MTMR2: variants seen among roughly 807,000 people sequenced by gnomAD.
MTMR2 encodes phosphatidylinositol-3,5-bisphosphate 3-phosphatase MTMR2.
Under a neutral mutation model 86.9 loss-of-function variants are expected in MTMR2, and 55 were observed. The observed-to-expected ratio is 0.63, with a 90% CI of 0.51 to 0.79. The LOEUF is 0.79. Ranked by LOEUF, MTMR2 falls within the 30% of genes least tolerant of loss-of-function variation. MTMR2 has a pLI of 0.00. For synonymous variants in MTMR2, 241 were observed against 266.8 expected (o/e 0.90, Z 0.94); for missense variants, 659 against 772.3 (o/e 0.85, Z 1.74).
chr11:95,882,891 T>C (rs1180295749), intron 2 of MTMR2, among the ~76,000 whole-genome samples: 2 of 30,436 alleles, frequency 6.6e-5, no homozygotes, highest in Admixed American at 5.7e-4. Context: ...TCCAGCTAAT[T>C]TTTTTTTTTT....
intron 1 of MTMR2, among the ~76,000 whole-genome samples, chr11:95,912,086 GGT>G (rs1491567779): frequency 2.6e-5 from 1 of 39,016 alleles, no homozygotes; most frequent in African/African-American, 6.9e-5. Flanking sequence ...AACACAGGTG[GGT>G]TTTTTTTTTT....
At chr11:95,858,482 G>T in intron 6 of MTMR2, 49 bp downstream of exon 6, 2 of 1,244,360 alleles carry the variant, frequency 1.6e-6, no homozygotes, top group Non-Finnish European at 1.2e-6. Flanking sequence ...TTCTTTATAC[G>T]ACATCAATAA....
intron 1 of MTMR2, among the ~76,000 whole-genome samples, chr11:95,919,801 G>A (rs902166596): frequency 1.6e-4 from 25 of 152,116 alleles, no homozygotes; most frequent in African/African-American, 5.6e-4. Flanking sequence ...GACCAGTGGT[G>A]AACATTCCGT....
rs1246116098 is a variant in MTMR2, at chr11:95,890,588, C to A, written c.81-2327G>T. On this transcript the variant is annotated intron_variant, in intron 1 of 14. Transcript: ENST00000346299. The stretch of plus-strand genomic sequence containing the variant: ...TCTTTGTCCTTTCCCATTTCTCTTG[C>A]CTAAAATAAGAATATAAAGTTTGAA... Among the ~76,000 whole-genome samples the A allele has an allele frequency of 3.3e-5, 5 of 152,156 alleles. No individual in the cohort carries two copies. The East Asian group carries it at 9.6e-4, about 29-fold the overall frequency.
rs1565368414 is a variant in MTMR2, at chr11:95,877,331, C to CTTTTTTTTTTTTTTTTTTTTTTTTT, written c.186+10824_186+10825insAAAAAAAAAAAAAAAAAAAAAAAAA. 3.2e-5 allele frequency among the ~76,000 whole-genome samples: 3 copies of CTTTTTTTTTTTTTTTTTTTTTTTTT among 94,738 alleles called. 1 individual carries two copies. Among genetic ancestry groups the CTTTTTTTTTTTTTTTTTTTTTTTTT allele is most frequent in the African/African-American group, 9.9e-5 (2 of 20,148 alleles). The allele number at this position is 94,738 out of a possible 152,430, so 62.2% of individuals were successfully genotyped here. A position where few individuals can be genotyped will look rare whatever the true frequency, so the allele number is the denominator to read the frequency against. The stretch of plus-strand genomic sequence containing the variant: ...CATTCAAGATCAAGCACAGGGAAGC[C>CTTTTTTTTTTTTTTTTTTTTTTTTT]CTTTTTTTTTTTTTTTTTTTTTTTT... On this transcript the variant is annotated intron_variant, in intron 2 of 14. Coordinates refer to ENST00000346299, the MANE Select transcript of MTMR2 (RefSeq NM_016156.6).
intron 1 of MTMR2, among the ~76,000 whole-genome samples, chr11:95,894,431 T>C (rs1244065883): frequency 6.6e-6 from 1 of 152,206 alleles, no homozygotes; most frequent in East Asian, 1.9e-4. Context: ...GCTATTATTA[T>C]TTATGACAAC....
At chr11:95,855,992 T>G (rs1160554606) in intron 7 of MTMR2, among the ~76,000 whole-genome samples, 2 of 152,156 alleles carry the variant, frequency 1.3e-5, no homozygotes, top group Non-Finnish European at 2.9e-5. Flanking sequence ...CAGTAAATTT[T>G]ATGGTATGTG....
chr11:95,881,959 C>A (rs73533125), intron 2 of MTMR2, among the ~76,000 whole-genome samples: 8,423 of 151,982 alleles, frequency 0.055, 819 homozygotes, highest in African/African-American at 0.19. Context: ...TGATGGATAC[C>A]CTTTATCGGG....
intron 2 of MTMR2, among the ~76,000 whole-genome samples, chr11:95,868,368 A>G (rs964393371): frequency 6.6e-6 from 1 of 151,784 alleles, no homozygotes; most frequent in African/African-American, 2.4e-5. Context: ...GAGAGACACA[A>G]TGAAACAAGA....
At chr11:95,898,053 CCTTTTTCTTTCA>C (rs1404711127) in intron 1 of MTMR2, among the ~76,000 whole-genome samples, 1 of 152,066 alleles carries the variant, frequency 6.6e-6, no homozygotes, top group East Asian at 1.9e-4. Flanking sequence ...ACAGCAAACT[CCTTTTTCTTTCA>C]AATACTACAT....
chr11:95,844,913 A>G lies in MTMR2; in HGVS notation c.1386+40T>C, dbSNP rs563602754. The G allele has an allele frequency of 1.0e-5, 15 of 1,491,432 alleles. No homozygotes were observed. The African/African-American group carries it at 1.1e-4, about 11-fold the overall frequency. 92.4% of individuals were successfully genotyped at this position (1,491,432 alleles called of 1,614,324 possible). ...CATTTTTTTCACATGCCTTGGCATGAATGCATGTGATATATCCAAAGTCAA... is the reference window on the plus strand; with the variant it reads ...CATTTTTTTCACATGCCTTGGCATGGATGCATGTGATATATCCAAAGTCAA... On this transcript the variant is annotated intron_variant, in intron 11 of 14. Transcript: ENST00000346299.
chr11:95,840,353 T>A (rs1411913424), intron 12 of MTMR2, among the ~76,000 whole-genome samples: 1 of 152,030 alleles, frequency 6.6e-6, no homozygotes, highest in Non-Finnish European at 1.5e-5. Context: ...ATGGTAACAG[T>A]CAAAAGTGGG....
At chr11:95,849,230 T>G (rs778881345) in intron 9 of MTMR2, among the ~76,000 whole-genome samples, 4 of 152,062 alleles carry the variant, frequency 2.6e-5, no homozygotes, top group Non-Finnish European at 5.9e-5. Flanking sequence ...CTGAATAACT[T>G]GTTCAGGTGG....
At chr11:95,842,053 A>G (rs748503846) in intron 11 of MTMR2, among the ~76,000 whole-genome samples, 6 of 152,208 alleles carry the variant, frequency 3.9e-5, no homozygotes, top group Non-Finnish European at 8.8e-5. Flanking sequence ...CGGTCGCATC[A>G]CTGCACTCCA....
intron 11 of MTMR2, among the ~76,000 whole-genome samples, chr11:95,843,057 T>C (rs1021867492): frequency 2.0e-5 from 3 of 152,168 alleles, no homozygotes; most frequent in African/African-American, 7.2e-5. Context: ...AATGTATGCA[T>C]TGTGGTTAGA....
chr11:95,915,200 C>T (rs975854634), intron 1 of MTMR2, among the ~76,000 whole-genome samples: 4 of 152,052 alleles, frequency 2.6e-5, no homozygotes, highest in African/African-American at 9.7e-5. Flanking sequence ...CTTCTTGGCT[C>T]GCTCAAGAAT....
rs1242130865 is a variant in MTMR2, at chr11:95,858,534, G to GTTA, written c.564_566dup (p.Asn189dup). Reference sequence around the variant, plus strand: ...CCAAAGACAGGAAACATTTTACCAGGTTATTAGAGACAGGAAATGCATATT... The same window carrying GTTA: ...CCAAAGACAGGAAACATTTTACCAGGTTATTATTAGAGACAGGAAATGCATATT... On this transcript the variant is annotated inframe_insertion, in exon 6 of 15. Coordinates refer to ENST00000346299, the MANE Select transcript of MTMR2 (RefSeq NM_016156.6). The GTTA allele has an allele frequency of 1.2e-6, 2 of 1,601,532 alleles. No homozygotes were observed. Among genetic ancestry groups the GTTA allele is most frequent in the Admixed American group, 1.7e-5 (1 of 60,010 alleles).
At chr11:95,867,992 C>A (rs116194254) in intron 2 of MTMR2, among the ~76,000 whole-genome samples, 4 of 151,992 alleles carry the variant, frequency 2.6e-5, no homozygotes, top group African/African-American at 7.2e-5. Flanking sequence ...GAAGGCCAGG[C>A]GCAGTGGCTC....
At chr11:95,905,998 G>C (rs1866260971) in intron 1 of MTMR2, among the ~76,000 whole-genome samples, 1 of 152,228 alleles carries the variant, frequency 6.6e-6, no homozygotes, top group Non-Finnish European at 1.5e-5. Context: ...GCTGAGGCAG[G>C]TGGATCACTT....
Sources: gnomAD v4.1 joint callset for allele counts (sites outside exome capture counted in the v4.1 genomes callset) on GRCh38, gnomAD v4.1.1 for gene constraint, MANE v1.5 for transcripts, NCBI Gene and HGNC (gene_info 2026-07-23, HGNC 2026-07-21) for gene names.